Variants in SOS1 observed in about 807,000 individuals in gnomAD.
SOS1 encodes son of sevenless homolog 1.
Under a neutral mutation model 157.6 loss-of-function variants are expected in SOS1, and 25 were observed. The ratio of observed to expected loss-of-function variants is 0.16; its 90% CI spans 0.12 to 0.22. The LOEUF is 0.22. Ranked by LOEUF, SOS1 falls within the 10% of genes least tolerant of loss-of-function variation. SOS1 has a pLI of 1.00. For synonymous variants in SOS1, 528 were observed against 534.0 expected (o/e 0.99, Z 0.16); for missense variants, 1,237 against 1,599.1 (o/e 0.77, Z 3.86).
intron 1 of SOS1, among the ~76,000 whole-genome samples, chr2:39,092,195 G>T (rs1381654852): frequency 2.0e-5 from 3 of 151,656 alleles, no homozygotes; most frequent in Admixed American, 1.3e-4. Context: ...AGTCATACTG[G>T]TTTTTTTTCT....
chr2:39,053,858 T>C (rs571835004), intron 5 of SOS1, among the ~76,000 whole-genome samples: 2 of 152,160 alleles, frequency 1.3e-5, no homozygotes, highest in Non-Finnish European at 2.9e-5. Context: ...ATATGGTAAT[T>C]ACCATATTTT....
chr2:39,102,530 CA>C (rs70954782), intron 1 of SOS1, among the ~76,000 whole-genome samples: 2 of 50,602 alleles, frequency 4.0e-5, no homozygotes, highest in African/African-American at 8.4e-5. Flanking sequence ...GACTCCATCT[CA>C]AAAAAAAAAA....
intron 17 of SOS1, among the ~76,000 whole-genome samples, chr2:39,004,920 C>G (rs1351181964): frequency 1.3e-5 from 2 of 152,044 alleles, no homozygotes; most frequent in Non-Finnish European, 1.5e-5. Flanking sequence ...TTGTCATACA[C>G]TTGATGGCAG....
chr2:39,010,820 C>A, intron 14 of SOS1, 117 bp from the exon 15 acceptor site: 1 of 779,282 alleles, frequency 1.3e-6, no homozygotes, highest in Non-Finnish European at 2.2e-6. Flanking sequence ...CCTCTTATAC[C>A]AACAGAAAGG....
At chr2:39,000,220 G>A (rs1572809406) in intron 17 of SOS1, among the ~76,000 whole-genome samples, 2 of 152,172 alleles carry the variant, frequency 1.3e-5, no homozygotes, top group Non-Finnish European at 2.9e-5. Context: ...AAATTATTTT[G>A]TGCCTAACTG....
chr2:39,105,718 G>A (rs557788934), intron 1 of SOS1, among the ~76,000 whole-genome samples: 1 of 151,622 alleles, frequency 6.6e-6, no homozygotes, highest in African/African-American at 2.4e-5. Context: ...GCCAACATGC[G>A]AAACCCTGTC....
upstream of SOS1, chr2:39,121,106 A>G (rs955001204): frequency 2.0e-5 from 3 of 153,522 alleles, no homozygotes; most frequent in African/African-American, 7.3e-5. Context: ...GCTCCCGGTG[A>G]AGGAGGAGGA....
chr2:39,080,655 T>A, intron 1 of SOS1, among the ~76,000 whole-genome samples: 1 of 152,228 alleles, frequency 6.6e-6, no homozygotes, highest in East Asian at 1.9e-4. Context: ...ATTTTTAATT[T>A]GGATGCTGAG....
At chr2:39,039,166 A>C (rs1037825883) in intron 6 of SOS1, among the ~76,000 whole-genome samples, 2 of 152,240 alleles carry the variant, frequency 1.3e-5, no homozygotes, top group African/African-American at 2.4e-5. Context: ...CTGCATGCTT[A>C]CTAGACCACA....
chr2:39,012,009 C>T (rs1357941301), intron 14 of SOS1, 117 bp downstream of exon 14: 56 of 790,974 alleles, frequency 7.1e-5, no homozygotes, highest in Admixed American at 2.7e-4. Flanking sequence ...TTACTAGACA[C>T]TTCATGTAAT....
intron 1 of SOS1, among the ~76,000 whole-genome samples, chr2:39,110,380 G>A (rs1437867634): frequency 6.6e-6 from 1 of 152,100 alleles, no homozygotes; most frequent in African/African-American, 2.4e-5. Context: ...TTGATCCACA[G>A]TTGTTTGAAT....
At chr2:39,054,089 G>A (rs894307665) in intron 5 of SOS1, among the ~76,000 whole-genome samples, 5 of 151,988 alleles carry the variant, frequency 3.3e-5, no homozygotes, top group Non-Finnish European at 4.4e-5. Flanking sequence ...CACCACGCCC[G>A]GCTAATTTTT....
chr2:39,007,272 AAT>A, intron 15 of SOS1, 79 bp from the exon 16 acceptor site: 1 of 943,216 alleles, frequency 1.1e-6, no homozygotes, highest in South Asian at 1.3e-5. Context: ...TAGTAAATAA[AAT>A]AATGTAGAGA....
intron 15 of SOS1, among the ~76,000 whole-genome samples, chr2:39,009,017 CAGATTT>C (rs1669374173): frequency 6.6e-6 from 1 of 151,922 alleles, no homozygotes; most frequent in African/African-American, 2.4e-5. Context: ...AACCAAATGT[CAGATTT>C]AACAACAGTA....
intron 10 of SOS1, 181 bp downstream of exon 10, chr2:39,022,385 GTATT>G (rs576012991): frequency 4.8e-5 from 29 of 600,348 alleles, no homozygotes; most frequent in Admixed American, 8.5e-5. Flanking sequence ...TTAAAAAAAA[GTATT>G]TAAGTGTAGT....
chr2:39,044,776 G>T lies in SOS1; in HGVS notation c.864+6368C>A, dbSNP rs575695877. 2.1e-4 allele frequency among the ~76,000 whole-genome samples: 32 copies of T among 152,290 alleles called. 1 individual carries two copies. In the East Asian group the frequency reaches 4.5e-3, roughly 21 times the overall value. On this transcript the variant is annotated intron_variant, in intron 6 of 22. Coordinates refer to ENST00000402219, the MANE Select transcript of SOS1 (RefSeq NM_005633.4). ...GGGCTGATGTGGCACTTAAGCGTGT[G>T]TGGATTTGGGTATCTGCAGGGAGTC...
intron 1 of SOS1, among the ~76,000 whole-genome samples, chr2:39,084,148 CTA>C (rs1327384287): frequency 6.6e-6 from 1 of 152,132 alleles, no homozygotes; most frequent in Non-Finnish European, 1.5e-5. Context: ...GCCTCCAAAA[CTA>C]TGAGAAAACT....
Position 39,007,200 on chromosome 2 carries a change from A to AT in SOS1, c.2511-8dup, listed in dbSNP as rs754764762. 8 of 1,558,830 alleles carry AT rather than the reference A, an allele frequency of 5.1e-6. No individual in the cohort carries two copies. The African/African-American group carries it at 9.5e-5, about 18-fold the overall frequency. ...TTCAGTTTCTACAATACATCTGGGAATAAAAAAAAAGTGAACTAAAGGTTT... is the reference window on the plus strand; with the variant it reads ...TTCAGTTTCTACAATACATCTGGGAATTAAAAAAAAAGTGAACTAAAGGTTT... On this transcript the variant is annotated splice_polypyrimidine_tract_variant and splice_region_variant and intron_variant, in intron 15 of 22. Transcript: ENST00000402219.
chr2:39,076,978 T>C (rs1266482111), intron 1 of SOS1, among the ~76,000 whole-genome samples: 8 of 152,172 alleles, frequency 5.3e-5, no homozygotes, highest in African/African-American at 1.9e-4. Flanking sequence ...ACAGAAAATA[T>C]AATTTTTTAA....
Sources: gnomAD v4.1 joint callset for allele counts (sites outside exome capture counted in the v4.1 genomes callset) on GRCh38, gnomAD v4.1.1 for gene constraint, MANE v1.5 for transcripts, NCBI Gene and HGNC (gene_info 2026-07-23, HGNC 2026-07-21) for gene names.